SPMAP2: variants seen among roughly 807,000 people sequenced by gnomAD.
SPMAP2 encodes sperm microtubule associated protein 2.
At chr19:368,997 C>T in the SPMAP2 span, among the ~76,000 whole-genome samples, 1 of 152,162 alleles carries the variant, frequency 6.6e-6, no homozygotes, top group Non-Finnish European at 1.5e-5. The surrounding 1 kb of genome is among the most constrained non-coding windows in gnomAD (Gnocchi z 4.1). Context: ...GAACATGGAC[C>T]GTGCATGTTG....
At chr19:362,600 T>C in the SPMAP2 span, among the ~76,000 whole-genome samples, 2 of 151,774 alleles carry the variant, frequency 1.3e-5, no homozygotes, top group Admixed American at 6.6e-5. Flanking sequence ...AAACCTCGTC[T>C]CTACTAAAAA....
chr19:364,175 T>C, the SPMAP2 span, among the ~76,000 whole-genome samples: 1,327 of 147,080 alleles, frequency 9.0e-3, 18 homozygotes, highest in Non-Finnish European at 0.012. Flanking sequence ...CTACTAAAAA[T>C]ACAAAAAAAA....
the SPMAP2 span, chr19:372,539 A>G: frequency 2.8e-5 from 37 of 1,333,862 alleles, 1 homozygote; most frequent in Middle Eastern, 3.6e-4. Flanking sequence ...TAGGACCTGG[A>G]CCCTTTCCCA....
chr19:371,371 T>G, the SPMAP2 span: 465 of 260,702 alleles, frequency 1.8e-3, 1 homozygote, highest in East Asian at 0.014. Context: ...GGGGTGGGGG[T>G]GTGTGTGTGT....
the SPMAP2 span, chr19:371,175 G>C: frequency 1.5e-6 from 2 of 1,313,344 alleles, no homozygotes; most frequent in South Asian, 3.5e-5. Context: ...GCCTGGCGGG[G>C]GTGAGTCGCG....
chr19:366,435 G>T, the SPMAP2 span, among the ~76,000 whole-genome samples: 1 of 152,112 alleles, frequency 6.6e-6, no homozygotes, highest in African/African-American at 2.4e-5. Flanking sequence ...ACGGTGTAAG[G>T]CAGTGCTGCA....
At chr19:363,274 C>A in the SPMAP2 span, among the ~76,000 whole-genome samples, 1 of 151,860 alleles carries the variant, frequency 6.6e-6, no homozygotes, top group African/African-American at 2.4e-5. Flanking sequence ...CTCACTGCAA[C>A]CTCCGCCTCC....
the SPMAP2 span, chr19:362,114 G>T: frequency 1.1e-5 from 11 of 1,036,348 alleles, no homozygotes; most frequent in East Asian, 2.9e-4. Context: ...CTTCTAGCCC[G>T]CCCTCCCTTC....
the SPMAP2 span, among the ~76,000 whole-genome samples, chr19:370,601 C>T: frequency 6.6e-6 from 1 of 151,832 alleles, no homozygotes; most frequent in African/African-American, 2.4e-5. Flanking sequence ...CCACCCGCCT[C>T]AGCCTTCCAA....
chr19:372,625 C>T, the SPMAP2 span: 2 of 1,613,828 alleles, frequency 1.2e-6, no homozygotes, highest in Non-Finnish European at 1.7e-6. Context: ...GCCCTCCTTC[C>T]CCCACCTGTT....
chr19:375,693 T>G, the SPMAP2 span: 20 of 1,597,562 alleles, frequency 1.3e-5, no homozygotes, highest in Admixed American at 1.7e-5. Flanking sequence ...TTCCAAGTCC[T>G]TGTCCAGGAC....
At chr19:373,948 A>G in the SPMAP2 span, 1 of 1,613,500 alleles carries the variant, frequency 6.2e-7, no homozygotes, top group Admixed American at 1.7e-5. Flanking sequence ...ACCAGCAGAG[A>G]CAGAAGTGCA....
At chr19:375,832 G>T in the SPMAP2 span, 2 of 1,605,596 alleles carry the variant, frequency 1.2e-6, no homozygotes, top group East Asian at 2.2e-5. Flanking sequence ...AGGTCCTGGC[G>T]TTCGGGGTCT....
the SPMAP2 span, among the ~76,000 whole-genome samples, chr19:368,604 T>C: frequency 6.6e-6 from 1 of 152,196 alleles, no homozygotes; most frequent in Non-Finnish European, 1.5e-5. The surrounding 1 kb of genome is among the most constrained non-coding windows in gnomAD (Gnocchi z 4.1). Flanking sequence ...CCTGACAGTC[T>C]GTGATTGTTG....
the SPMAP2 span, among the ~76,000 whole-genome samples, chr19:369,715 T>A: frequency 6.6e-6 from 1 of 152,156 alleles, no homozygotes; most frequent in Non-Finnish European, 1.5e-5. Flanking sequence ...GGGTGGTGGA[T>A]TATCAATTGT....
At chr19:367,826 G>A in the SPMAP2 span, among the ~76,000 whole-genome samples, 5 of 152,196 alleles carry the variant, frequency 3.3e-5, no homozygotes, top group Admixed American at 2.0e-4. Flanking sequence ...CAAGCTGACT[G>A]CAGCGCATTC....
At chr19:367,751 C>T in the SPMAP2 span, among the ~76,000 whole-genome samples, 1 of 152,132 alleles carries the variant, frequency 6.6e-6, no homozygotes, top group East Asian at 1.9e-4. Context: ...AGGGATGTTC[C>T]CTGCAGCTTA....
At chr19:371,239 A>G in the SPMAP2 span, 1 of 1,502,568 alleles carries the variant, frequency 6.7e-7, no homozygotes, top group Non-Finnish European at 8.9e-7. Flanking sequence ...GTTATCACGA[A>G]TCTTCGGGGC....
At chr19:363,855 G>C in the SPMAP2 span, among the ~76,000 whole-genome samples, 1 of 151,580 alleles carries the variant, frequency 6.6e-6, no homozygotes. Context: ...TTATTTTGAG[G>C]CAGGGTCTTG....
Sources: gnomAD v4.1 joint callset for allele counts (sites outside exome capture counted in the v4.1 genomes callset) on GRCh38, gnomAD v4.1.1 for gene constraint, Gnocchi (gnomAD v3.1) non-coding constraint, MANE v1.5 for transcripts, NCBI Gene and HGNC (gene_info 2026-07-23, HGNC 2026-07-21) for gene names.